The following COG4 variants were observed in gnomAD, a reference collection of about 807,000 sequenced individuals.
The protein encoded by COG4 is component of oligomeric golgi complex 4.
In COG4, 65 loss-of-function variants were observed where a neutral mutation model predicts 95.1. The observed-to-expected ratio is 0.68, with a 90% confidence interval of 0.56 to 0.84. COG4 has a LOEUF of 0.84. COG4 is among the 40% of genes least tolerant of loss of function. COG4 has a pLI of 0.00. For synonymous variants in COG4, 421 were observed against 374.8 expected (o/e 1.12, Z -1.42); for missense variants, 1,045 against 989.1 (o/e 1.06, Z -0.76).
chr16:70,481,260 C>G (rs1597650526), intron 18 of COG4, 99 bp downstream of exon 18: 2 of 1,607,572 alleles, frequency 1.2e-6, no homozygotes, highest in Non-Finnish European at 1.7e-6. Flanking sequence ...TCCTATAGAG[C>G]TGGCTGCTGG....
In COG4 at chr16:70,519,745, A is replaced by T. The variant is rs533486299; in HGVS notation, c.172-14T>A. ...CTCCACCACTTTCTGAAACACAGAG[A>T]AACATCCTGTCAGCAGAATGATCAG... On this transcript the variant is annotated splice_polypyrimidine_tract_variant and intron_variant, in intron 1 of 18. Coordinates refer to ENST00000323786, the MANE Select transcript of COG4 (RefSeq NM_015386.3). 1 of 1,590,178 alleles carries T rather than the reference A, an allele frequency of 6.3e-7. No individual in the cohort carries two copies. The highest frequency in any genetic ancestry group is 1.3e-5 in the African/African-American group (1 of 74,498).
intron 5 of COG4, 58 bp downstream of exon 5, chr16:70,512,181 C>T (rs926005018): frequency 4.0e-6 from 6 of 1,508,096 alleles, no homozygotes; most frequent in Non-Finnish European, 5.5e-6. Context: ...CCATCCAGTG[C>T]CCCAATCTGC....
chr16:70,519,237 C>T, intron 2 of COG4, among the ~76,000 whole-genome samples: 1 of 75,786 alleles, frequency 1.3e-5, no homozygotes, highest in Non-Finnish European at 2.2e-5. Context: ...ACGCCATTCT[C>T]CTGCCTCAGC....
chr16:70,504,184 G>A (rs532564567), intron 8 of COG4, among the ~76,000 whole-genome samples: 8 of 152,206 alleles, frequency 5.3e-5, no homozygotes, highest in South Asian at 2.1e-4. Flanking sequence ...TACTGAGGGC[G>A]ATTTTATTCC....
intron 13 of COG4, among the ~76,000 whole-genome samples, chr16:70,489,603 C>T (rs979455978): frequency 1.3e-5 from 2 of 151,506 alleles, no homozygotes; most frequent in African/African-American, 4.9e-5. Context: ...TCTCAAACTC[C>T]TGGCCTCAAG....
chr16:70,503,885 C>T (rs1208729134), intron 8 of COG4, among the ~76,000 whole-genome samples: 4 of 122,838 alleles, frequency 3.3e-5, no homozygotes, highest in Admixed American at 7.2e-5. Context: ...TGAGCCACCG[C>T]GCCCGGCCAA....
At chr16:70,520,458 C>G (rs2049917367) in intron 1 of COG4, among the ~76,000 whole-genome samples, 2 of 130,654 alleles carry the variant, frequency 1.5e-5, no homozygotes, top group South Asian at 5.3e-4. Context: ...GACTCCGTCT[C>G]AAAAACAAAA....
rs2049897653 is a variant in COG4 at position 70,519,807 on chromosome 16, C to T, written c.172-76G>A. 8.4e-6 allele frequency: 9 copies of T among 1,070,242 alleles called. No homozygotes were observed. The East Asian group carries it at 1.9e-4, about 23-fold the overall frequency. The allele number at this position is 1,070,242 out of a possible 1,614,324, so 66.3% of individuals were successfully genotyped here. A position where few individuals can be genotyped will look rare whatever the true frequency, so the allele number is the denominator to read the frequency against. ...AGAGTTATCTAATCCAATCACTTAGCTGAAGGGTGAATCTCATTTCCAAGT... is the reference window on the plus strand; with the variant it reads ...AGAGTTATCTAATCCAATCACTTAGTTGAAGGGTGAATCTCATTTCCAAGT... On this transcript the variant is annotated intron_variant, in intron 1 of 18. Coordinates refer to ENST00000323786, the MANE Select transcript of COG4 (RefSeq NM_015386.3).
intron 2 of COG4, among the ~76,000 whole-genome samples, chr16:70,517,949 T>C (rs78748579): frequency 6.6e-6 from 1 of 152,056 alleles, no homozygotes; most frequent in Non-Finnish European, 1.5e-5. Context: ...TTTTTTTTTT[T>C]GAGACGGAGT....
intron 17 of COG4, 53 bp downstream of exon 17, chr16:70,481,711 G>T: frequency 6.6e-7 from 1 of 1,505,954 alleles, no homozygotes; most frequent in Non-Finnish European, 9.2e-7. Context: ...GGCATGACAT[G>T]TCTTCCTCAG....
intron 15 of COG4, 111 bp from the exon 16 acceptor site, chr16:70,482,286 T>G (rs1274289384): frequency 2.5e-6 from 2 of 790,926 alleles, no homozygotes; most frequent in South Asian, 2.8e-5. Flanking sequence ...TCCTTCCCTG[T>G]GCCTTCTGAC....
chr16:70,508,548 T>C, intron 7 of COG4, 84 bp from the exon 8 acceptor site: 1 of 1,173,154 alleles, frequency 8.5e-7, no homozygotes, highest in South Asian at 1.2e-5. Context: ...ACTTTTGGCA[T>C]ACAAGAACAT....
chr16:70,481,916 C>A, intron 16 of COG4, 51 bp from the exon 17 acceptor site: 1 of 1,520,988 alleles, frequency 6.6e-7, no homozygotes, highest in East Asian at 2.3e-5. Flanking sequence ...TCCTCTGCCT[C>A]TATGCTGGAG....
chr16:70,496,299 G>A lies in COG4; in HGVS notation c.1614C>T (p.Ile538=), dbSNP rs541274302. The A allele has an allele frequency of 5.0e-6, 8 of 1,614,172 alleles. No individual in the cohort carries two copies. Among genetic ancestry groups the A allele is most frequent in the African/African-American group, 1.3e-5 (1 of 75,044 alleles). Residue 538 remains isoleucine, a synonymous_variant, in exon 12 of 19, where the codon ATC becomes ATT. Coordinates refer to ENST00000323786, the MANE Select transcript of COG4 (RefSeq NM_015386.3). The part of the protein sequence containing the change: ...LQQGKFDTKG[I]ESTDEAKMSF... The stretch of plus-strand genomic sequence containing the variant: ...ACATCTTCGCCTCGTCAGTACTCTC[G>A]ATGCCTTTTGTGTCAAATTTGCCTT...
At position 70,509,388 on chromosome 16, in the gene COG4, C is replaced by T. The variant is rs148879257; in HGVS notation, c.845G>A (p.Gly282Glu). 6.2e-7 allele frequency: 1 copy of T among 1,614,036 alleles called. No individual in the cohort carries two copies. Among genetic ancestry groups the T allele is most frequent in the Non-Finnish European group, 8.5e-7 (1 of 1,180,026 alleles). Residue 282 changes from glycine to glutamate, a missense_variant and splice_region_variant, in exon 7 of 19, where the codon GGG becomes GAG. Transcript: ENST00000323786. The part of the protein sequence containing the change: ...FADTLTLLFE[G>E]IARIVETHQP... ...GTGGGTCTCCACAATGCGGGCAATC[C>T]CTAGAAGGGAGGAAGCAATAGGGTT...
intron 12 of COG4, among the ~76,000 whole-genome samples, chr16:70,492,966 A>G (rs2049275187): frequency 6.6e-6 from 1 of 150,844 alleles, no homozygotes; most frequent in African/African-American, 2.4e-5. Context: ...TCCATCTCCA[A>G]AAAAAAAAGT....
chr16:70,482,914 C>T (rs1180274167), intron 14 of COG4, 93 bp from the exon 15 acceptor site: 1 of 916,612 alleles, frequency 1.1e-6, no homozygotes, highest in East Asian at 2.6e-5. Context: ...TATCCTCTCC[C>T]CATCCCTTTC....
At chr16:70,508,038 A>G (rs2049615384) in intron 8 of COG4, among the ~76,000 whole-genome samples, 1 of 151,366 alleles carries the variant, frequency 6.6e-6, no homozygotes, top group Admixed American at 6.6e-5. Flanking sequence ...CTCCTGCCTC[A>G]GCCTCCCGAG....
intron 9 of COG4, among the ~76,000 whole-genome samples, chr16:70,498,898 G>A (rs1002458099): frequency 1.3e-5 from 2 of 152,104 alleles, no homozygotes; most frequent in East Asian, 1.9e-4. Flanking sequence ...CACCAGTACT[G>A]TCCAGTAGAA....
Sources: allele counts gnomAD v4.1 joint callset (sites outside exome capture counted in the v4.1 genomes callset), GRCh38; gene constraint gnomAD v4.1.1; transcripts MANE v1.5; gene names NCBI Gene and HGNC (gene_info 2026-07-23, HGNC 2026-07-21).